The following LYPLAL1 variants were observed in gnomAD, a reference collection of about 807,000 sequenced individuals.
The protein encoded by LYPLAL1 is lysophospholipase-like protein 1.
A neutral mutation model predicts 19.7 loss-of-function variants in LYPLAL1; 23 were observed. The ratio of observed to expected loss-of-function variants is 1.17; its 90% CI spans 0.84 to 1.65. LYPLAL1 has a LOEUF of 1.65. Ranked by LOEUF, LYPLAL1 falls within the 40% of genes most tolerant of loss-of-function variation. The pLI, the probability that LYPLAL1 is intolerant of heterozygous loss-of-function variation, is 0.00. For missense variants in LYPLAL1, 355 were observed against 279.4 expected, an observed-to-expected ratio of 1.27 and a Z score of -1.93; for synonymous variants, 119 against 96.3, an observed-to-expected ratio of 1.24 and a Z score of -1.38.
the LYPLAL1 span, among the ~76,000 whole-genome samples, chr1:219,381,219 G>T: frequency 6.6e-6 from 1 of 152,092 alleles, no homozygotes; most frequent in Non-Finnish European, 1.5e-5. Context: ...TATAAAGGGG[G>T]CACTCCTGCA....
the LYPLAL1 span, among the ~76,000 whole-genome samples, chr1:219,414,849 T>TG: frequency 1.3e-5 from 2 of 152,184 alleles, no homozygotes; most frequent in African/African-American, 4.8e-5. Context: ...TGCTAGGCAC[T>TG]GAGGCTATGG....
the LYPLAL1 span, among the ~76,000 whole-genome samples, chr1:219,361,706 A>G: frequency 6.6e-6 from 1 of 152,170 alleles, no homozygotes; most frequent in Non-Finnish European, 1.5e-5. Context: ...CTTTTCAAAT[A>G]GTAACACACG....
downstream of LYPLAL1, among the ~76,000 whole-genome samples, chr1:219,217,392 G>GTA (rs1558252331): frequency 4.4e-5 from 6 of 135,122 alleles, no homozygotes; most frequent in Non-Finnish European, 8.4e-5. Flanking sequence ...GTGTGTGTGT[G>GTA]TGTGTGTGTG....
chr1:219,363,154 C>G, the LYPLAL1 span, among the ~76,000 whole-genome samples: 3 of 152,050 alleles, frequency 2.0e-5, no homozygotes, highest in African/African-American at 7.2e-5. Context: ...ATTTATCCAG[C>G]ACTATTGTGA....
At chr1:219,221,955 T>C in the LYPLAL1 span, among the ~76,000 whole-genome samples, 1 of 152,266 alleles carries the variant, frequency 6.6e-6, no homozygotes, top group Middle Eastern at 3.4e-3. Context: ...CCCACTATGA[T>C]CTCTGCCCCA....
At chr1:219,406,368 T>C in the LYPLAL1 span, among the ~76,000 whole-genome samples, 1 of 152,234 alleles carries the variant, frequency 6.6e-6, no homozygotes, top group Admixed American at 6.5e-5. Flanking sequence ...AGTTTATCTC[T>C]GTGGTTCAGG....
the LYPLAL1 span, among the ~76,000 whole-genome samples, chr1:219,418,264 G>A: frequency 1.3e-5 from 2 of 152,080 alleles, no homozygotes; most frequent in African/African-American, 2.4e-5. Flanking sequence ...CTGAGAGGAC[G>A]GACCCTAGGT....
chr1:219,405,462 G>T, the LYPLAL1 span, among the ~76,000 whole-genome samples: 2 of 152,076 alleles, frequency 1.3e-5, no homozygotes, highest in African/African-American at 2.4e-5. Flanking sequence ...AAGAAAAATG[G>T]TACATCTCTG....
intron 2 of LYPLAL1, 180 bp downstream of exon 2, chr1:219,179,426 G>C: frequency 1.8e-6 from 1 of 551,266 alleles, no homozygotes; most frequent in Non-Finnish European, 3.2e-6. Flanking sequence ...AGTTTTGCCA[G>C]GTGAGTAATT....
intron 1 of LYPLAL1, among the ~76,000 whole-genome samples, chr1:219,178,204 A>G (rs957331680): frequency 1.3e-5 from 2 of 152,238 alleles, no homozygotes; most frequent in Admixed American, 1.3e-4. Context: ...CCATAAACCC[A>G]GTCAGTTGTG....
chr1:219,199,607 TA>T (rs1657913537), intron 3 of LYPLAL1, among the ~76,000 whole-genome samples: 1 of 114,724 alleles, frequency 8.7e-6, no homozygotes, highest in Non-Finnish European at 1.9e-5. Context: ...CACGCCCGGC[TA>T]ATTTTTTTTT....
chr1:219,400,576 ACCTCTGTCTCCCAGG>A, the LYPLAL1 span, among the ~76,000 whole-genome samples: 1 of 151,472 alleles, frequency 6.6e-6, no homozygotes, highest in African/African-American at 2.4e-5. Context: ...GCTCACTGCA[ACCTCTGTCTCCCAGG>A]TTCAAATGAT....
At chr1:219,280,198 C>T in the LYPLAL1 span, among the ~76,000 whole-genome samples, 1,805 of 152,236 alleles carry the variant, frequency 0.012, 30 homozygotes, top group Non-Finnish European at 0.018. Context: ...AGTCCAAAAC[C>T]CTTCTGGAGC....
chr1:219,205,062 T>C (rs778640878), intron 3 of LYPLAL1, among the ~76,000 whole-genome samples: 90 of 152,254 alleles, frequency 5.9e-4, no homozygotes, highest in Non-Finnish European at 6.0e-4. Context: ...ATTAATAGAA[T>C]TGAGTATTAT....
intron 2 of LYPLAL1, among the ~76,000 whole-genome samples, chr1:219,190,028 ATTAAC>A (rs1341794804): frequency 1.3e-5 from 2 of 151,634 alleles, no homozygotes; most frequent in African/African-American, 4.8e-5. Context: ...TAACTTAATA[ATTAAC>A]TTAATAGATA....
the LYPLAL1 span, among the ~76,000 whole-genome samples, chr1:219,291,224 T>C: frequency 1.3e-5 from 2 of 152,228 alleles, no homozygotes; most frequent in Non-Finnish European, 2.9e-5. Context: ...AATATTTGCG[T>C]ATTTATAAAT....
At chr1:219,375,751 T>C in the LYPLAL1 span, among the ~76,000 whole-genome samples, 1 of 151,346 alleles carries the variant, frequency 6.6e-6, no homozygotes, top group African/African-American at 2.4e-5. Flanking sequence ...TTTTTTTTTT[T>C]TTGGCGTGGG....
intron 3 of LYPLAL1, among the ~76,000 whole-genome samples, chr1:219,202,981 T>C (rs891604804): frequency 6.6e-6 from 1 of 152,254 alleles, no homozygotes; most frequent in South Asian, 2.1e-4. Context: ...CCACCATGTC[T>C]GGCCCAGGCT....
the LYPLAL1 span, among the ~76,000 whole-genome samples, chr1:219,252,203 C>T: frequency 3.3e-5 from 5 of 152,018 alleles, no homozygotes; most frequent in Non-Finnish European, 5.9e-5. Context: ...ATGGGATCTT[C>T]CAGATATAGA....
Sources: allele counts gnomAD v4.1 joint callset (sites outside exome capture counted in the v4.1 genomes callset), GRCh38; gene constraint gnomAD v4.1.1; transcripts MANE v1.5; gene names NCBI Gene and HGNC (gene_info 2026-07-23, HGNC 2026-07-21).